Variants in TFB1M observed in about 807,000 individuals in gnomAD.
The protein encoded by TFB1M is transcription factor B1, mitochondrial, also known as dimethyladenosine transferase 1, mitochondrial.
TFB1M carries 27 observed loss-of-function variants against 31.1 expected under a neutral mutation model. The observed-to-expected ratio is 0.87, with a 90% confidence interval of 0.64 to 1.20. TFB1M has a LOEUF of 1.20. Ranked by LOEUF, TFB1M falls within the 50% of genes most tolerant of loss-of-function variation. TFB1M has a pLI of 0.00. For missense variants in TFB1M, 394 were observed against 418.7 expected (o/e 0.94, Z 0.51); for synonymous variants, 166 against 151.8 (o/e 1.09, Z -0.69).
intron 5 of TFB1M, among the ~76,000 whole-genome samples, chr6:155,282,399 A>G (rs1156243194): frequency 6.6e-6 from 1 of 152,236 alleles, no homozygotes; most frequent in African/African-American, 2.4e-5. Flanking sequence ...AAGGGACAGC[A>G]GACTCTCACA....
chr6:155,231,854 C>T, the TFB1M span, among the ~76,000 whole-genome samples: 1 of 152,214 alleles, frequency 6.6e-6, no homozygotes, highest in Non-Finnish European at 1.5e-5. Flanking sequence ...GCAGGTGGAT[C>T]ACCTGAGGTC....
At chr6:155,237,606 G>A in the TFB1M span, among the ~76,000 whole-genome samples, 2 of 152,240 alleles carry the variant, frequency 1.3e-5, no homozygotes, top group African/African-American at 2.4e-5. Context: ...TACATTCTCT[G>A]AAATCTAGGT....
At chr6:155,278,002 T>G (rs1480033341) in intron 5 of TFB1M, among the ~76,000 whole-genome samples, 2 of 152,220 alleles carry the variant, frequency 1.3e-5, no homozygotes, top group African/African-American at 4.8e-5. Flanking sequence ...CTCTGGAGTA[T>G]TTTCTTCCTA....
chr6:155,253,760 A>C (rs1487156189), downstream of TFB1M: 1 of 494,656 alleles, frequency 2.0e-6, no homozygotes, highest in Non-Finnish European at 3.5e-6. Context: ...CAGATGGAGG[A>C]AAATCTGCAG....
chr6:155,241,073 G>A, the TFB1M span, among the ~76,000 whole-genome samples: 5 of 152,328 alleles, frequency 3.3e-5, no homozygotes, highest in African/African-American at 9.6e-5. Flanking sequence ...CTGTACATAC[G>A]TGACGGCTGA....
chr6:155,298,387 A>G (rs1451571054), intron 3 of TFB1M, 90 bp downstream of exon 3: 2 of 738,880 alleles, frequency 2.7e-6, no homozygotes, highest in Admixed American at 4.0e-5. Flanking sequence ...TAAACATATA[A>G]GACATTTGTA....
intron 4 of TFB1M, 86 bp downstream of exon 4, chr6:155,296,864 AAAC>A: frequency 1.6e-6 from 2 of 1,272,680 alleles, no homozygotes; most frequent in Non-Finnish European, 2.3e-6. Flanking sequence ...TTAACTTAGA[AAAC>A]ACAGACTGTG....
intron 2 of TFB1M, among the ~76,000 whole-genome samples, chr6:155,305,513 T>A (rs1361317912): frequency 2.6e-5 from 1 of 38,094 alleles, no homozygotes; most frequent in African/African-American, 1.3e-4. Flanking sequence ...AATTATATAT[T>A]TATATATATA....
At chr6:155,249,638 A>AAAAAG in the TFB1M span, among the ~76,000 whole-genome samples, 6 of 152,250 alleles carry the variant, frequency 3.9e-5, no homozygotes, top group African/African-American at 1.4e-4. Flanking sequence ...GTCTCATTTC[A>AAAAAG]AAAAGAATTT....
the TFB1M span, chr6:155,245,693 G>A: frequency 6.2e-7 from 1 of 1,611,726 alleles, no homozygotes; most frequent in Non-Finnish European, 8.5e-7. Flanking sequence ...AGTGGATTCT[G>A]TGCTAACCAT....
intron 5 of TFB1M, among the ~76,000 whole-genome samples, chr6:155,271,191 A>T (rs1784898962): frequency 1.3e-5 from 2 of 152,196 alleles, no homozygotes; most frequent in Admixed American, 6.5e-5. Context: ...TTAAAAATCC[A>T]ATAATAAAAT....
chr6:155,257,240 A>G lies in TFB1M; in HGVS notation c.*596T>C, dbSNP rs1784116878. ...TTCATTCCTGGGTTTTGTGCAGTAT[A>G]CATTTTCCCACAAAATGGTTGTAAA... On this transcript the variant is annotated 3_prime_UTR_variant, in exon 7 of 7. Transcript: ENST00000367166. 1 of 1,093,414 alleles carries G rather than the reference A, an allele frequency of 9.1e-7. No homozygotes were observed. Among genetic ancestry groups the G allele is most frequent in the South Asian group, 1.6e-5 (1 of 62,532 alleles). 67.7% of individuals were successfully genotyped at this position (1,093,414 alleles called of 1,614,324 possible).
At chr6:155,262,847 T>C (rs1784451625) in intron 5 of TFB1M, among the ~76,000 whole-genome samples, 1 of 152,226 alleles carries the variant, frequency 6.6e-6, no homozygotes, top group South Asian at 2.1e-4. Context: ...TGTCTAACTT[T>C]TGCTTGATTT....
intron 5 of TFB1M, chr6:155,276,374 G>C (rs1785219294): frequency 1.2e-6 from 2 of 1,612,060 alleles, no homozygotes; most frequent in Admixed American, 3.3e-5. Context: ...GAAGGATTAT[G>C]TGTAAATAAC....
At chr6:155,297,494 A>C (rs1382777926) in intron 3 of TFB1M, among the ~76,000 whole-genome samples, 1 of 152,208 alleles carries the variant, frequency 6.6e-6, no homozygotes, top group Non-Finnish European at 1.5e-5. Flanking sequence ...GCAGCATATA[A>C]AGATGTGAAT....
Position 155,257,970 on chromosome 6 carries a change from G to C in TFB1M, c.907C>G (p.Leu303Val). Residue 303 changes from leucine (L) to valine (V), a missense_variant, in exon 7 of 7, where the codon CTC becomes GTC. Leu to Val is a conservative substitution (Grantham distance 32). Around this residue, in one of 3 missense-constraint regions of TFB1M, gnomAD observed 115 missense variants for 144.1 expected, o/e 0.80. Transcript: ENST00000367166. ...RQLSISHFKS[L>V]CDVYRKMCDE... ...CACATTTTTCTGTATACATCACAGA[G>C]GCTCTTAAAGTGTGAGATGGAGAGC... is the stretch of plus-strand genomic sequence containing the variant. The C allele has an allele frequency of 6.2e-7, 1 of 1,614,202 alleles. No homozygotes were observed. Among genetic ancestry groups the C allele is most frequent in the Non-Finnish European group, 8.5e-7 (1 of 1,180,044 alleles).
intron 5 of TFB1M, among the ~76,000 whole-genome samples, chr6:155,268,318 CCTT>C (rs1020563883): frequency 7.9e-5 from 12 of 152,286 alleles, no homozygotes; most frequent in South Asian, 4.1e-4. Context: ...CCTTCAAACT[CCTT>C]CTTGAAGAAA....
intron 4 of TFB1M, among the ~76,000 whole-genome samples, chr6:155,290,855 T>A (rs1157313064): frequency 5.3e-5 from 8 of 152,312 alleles, no homozygotes; most frequent in African/African-American, 1.7e-4. Context: ...TGTCGCTGGC[T>A]CCTAAAGCCC....
the TFB1M span, among the ~76,000 whole-genome samples, chr6:155,250,291 CTT>C: frequency 0.013 from 1,759 of 133,624 alleles, 27 homozygotes; most frequent in Non-Finnish European, 0.017. Flanking sequence ...TTGATTTTGC[CTT>C]TTTTTTTTTT....
Sources: gnomAD v4.1 joint callset for allele counts (sites outside exome capture counted in the v4.1 genomes callset) on GRCh38, gnomAD v4.1.1 for gene constraint, gnomAD v4.1.1 regional missense constraint, MANE v1.5 for transcripts, NCBI Gene and HGNC (gene_info 2026-07-23, HGNC 2026-07-21) for gene names.